TSC2: variants seen among roughly 807,000 people sequenced by gnomAD.
TSC2 encodes the protein tuberin.
Under a neutral mutation model 202.2 loss-of-function variants are expected in TSC2, and 29 were observed. That is an observed-to-expected ratio of 0.14 (90% confidence interval 0.11 to 0.20). TSC2 has a LOEUF of 0.20. Ranked by LOEUF, TSC2 falls within the 10% of genes least tolerant of loss-of-function variation. TSC2 has a pLI of 1.00. For synonymous variants in TSC2, 1,349 were observed against 1,044.0 expected, an observed-to-expected ratio of 1.29 and a Z score of -5.63; for missense variants, 2,429 against 2,420.0, an observed-to-expected ratio of 1.00 and a Z score of -0.08.
At chr16:2,053,930 TCA>T (rs2085444322) in intron 4 of TSC2, 1 of 439,776 alleles carries the variant, frequency 2.3e-6, no homozygotes, top group Non-Finnish European at 4.4e-6. Flanking sequence ...CCGTCCACTC[TCA>T]CAGGCTCTCC....
chr16:2,050,780 G>C (rs1235349431), intron 3 of TSC2, among the ~76,000 whole-genome samples: 9 of 151,726 alleles, frequency 5.9e-5, no homozygotes, highest in Admixed American at 2.6e-4. Flanking sequence ...GTAGAGACGG[G>C]GTTTCGCCAT....
In TSC2 at chr16:2,088,567, A is replaced by G. The variant is rs756064266; in HGVS notation, c.5381A>G (p.Lys1794Arg). ...PTPGYEVGQRKRLISSVEDFT... is the reference protein window; with the variant it reads ...PTPGYEVGQRRRLISSVEDFT... ...CCTGGCTATGAGGTGGGCCAGCGGA[A>G]GCGCCTCATCTCCTCGGTGGAGGAC... The change falls in exon 42 of 42, where the codon AAG (lysine) becomes AGG (arginine). Residue 1794 changes from lysine to arginine, a missense_variant. Coordinates refer to ENST00000219476, the MANE Select transcript of TSC2 (RefSeq NM_000548.5). The G allele has an allele frequency of 6.2e-7, 1 of 1,610,306 alleles. No homozygotes were observed. Among genetic ancestry groups the G allele is most frequent in the Non-Finnish European group, 8.5e-7 (1 of 1,179,908 alleles).
chr16:2,070,099 A>T (rs900111956), intron 16 of TSC2, among the ~76,000 whole-genome samples: 3 of 151,956 alleles, frequency 2.0e-5, no homozygotes, highest in Admixed American at 2.0e-4. Flanking sequence ...ACCTTGCCAC[A>T]CGTGTCTGGG....
intron 38 of TSC2, 183 bp downstream of exon 38, chr16:2,087,054 A>AGCCTGTGGCGCCTGCT: frequency 1.1e-6 from 1 of 899,032 alleles, no homozygotes; most frequent in Non-Finnish European, 1.7e-6. Flanking sequence ...TGTGCCCTGA[A>AGCCTGTGGCGCCTGCT]GCCTGTGGCG....
intron 16 of TSC2, 102 bp downstream of exon 16, chr16:2,065,737 A>G: frequency 9.4e-7 from 1 of 1,062,132 alleles, no homozygotes; most frequent in South Asian, 1.3e-5. Flanking sequence ...CGGGACCCAC[A>G]CCCTCCCTGG....
At chr16:2,049,882 A>G (rs1248405354) in intron 2 of TSC2, among the ~76,000 whole-genome samples, 1 of 151,540 alleles carries the variant, frequency 6.6e-6, no homozygotes, top group Admixed American at 6.6e-5. Context: ...TCAATACAAC[A>G]TTTGCAGTTG....
At position 2,077,820 on chromosome 16, in the gene TSC2, C is replaced by T. The variant is rs545343221; in HGVS notation, c.2966+94C>T. On this transcript the variant is annotated intron_variant, in intron 26 of 41. Coordinates refer to ENST00000219476, the MANE Select transcript of TSC2 (RefSeq NM_000548.5). ...CATGGGGCTGCTTGCATGACCTCAT[C>T]GTCTGCCCGTGTCCTCCCTGGCCAG... 8.8e-4 allele frequency: 1,400 copies of T among 1,584,098 alleles called. 3 individuals carry two copies. The highest frequency in any genetic ancestry group is 1.5e-3 in the Admixed American group (90 of 59,580).
chr16:2,069,087 TC>T (rs1269714217), intron 16 of TSC2, among the ~76,000 whole-genome samples: 1 of 152,018 alleles, frequency 6.6e-6, no homozygotes, highest in Non-Finnish European at 1.5e-5. Flanking sequence ...CTCGTGCTGT[TC>T]GAGGGTCAGA....
Position 2,079,689 on chromosome 16 carries a change from A to G in TSC2, c.3397+20A>G, listed in dbSNP as rs376079104. ...TGTCGGGTGAGCCTTGGCCCCAGCC[A>G]CCTCCACACAGGCACCGGGGCTCCC... On this transcript the variant is annotated intron_variant, in intron 29 of 41. Transcript: ENST00000219476. This position sits in a 1 kb window ranked among gnomAD's most constrained non-coding sequence, Gnocchi z 4.6. The G allele has an allele frequency of 5.8e-6, 9 of 1,561,320 alleles. No homozygotes were observed. Among genetic ancestry groups the G allele is most frequent in the African/African-American group, 1.4e-5 (1 of 73,568 alleles).
chr16:2,080,108 G>T, intron 29 of TSC2, 57 bp from the exon 30 acceptor site: 1 of 1,605,852 alleles, frequency 6.2e-7, no homozygotes, highest in Non-Finnish European at 8.5e-7. Flanking sequence ...TCAGCTTGAG[G>T]CTGGTGGTTT....
intron 3 of TSC2, among the ~76,000 whole-genome samples, chr16:2,052,302 A>G (rs1281827832): frequency 6.7e-6 from 1 of 150,314 alleles, no homozygotes; most frequent in Non-Finnish European, 1.5e-5. Context: ...CTAAAAGAAC[A>G]CGGCCATTTT....
In TSC2 at chr16:2,086,252, C is replaced by T. The variant is rs565576095; in HGVS notation, c.4722C>T (p.Phe1574=). Residue 1574 remains phenylalanine (F), a synonymous_variant, in exon 37 of 42, where the codon TTC becomes TTT. Coordinates refer to ENST00000219476, the MANE Select transcript of TSC2 (RefSeq NM_000548.5). ...ATGGCTCCTACAGGTACACGGAGTT[C>T]CTGACGGGCCTGGGCCGGCTCATCG... ...NEHGSYRYTE[F]LTGLGRLIEL... 25 of 1,612,738 alleles carry T rather than the reference C, an allele frequency of 1.6e-5. 1 individual carries two copies. In the South Asian group the frequency reaches 2.7e-4, roughly 18 times the overall value.
chr16:2,067,851 G>T (rs942534459), intron 16 of TSC2, among the ~76,000 whole-genome samples: 2 of 152,182 alleles, frequency 1.3e-5, no homozygotes, highest in Non-Finnish European at 2.9e-5. Flanking sequence ...CTGACTGGTT[G>T]GGAAGGGGTG....
chr16:2,087,437 G>A (rs541730451), intron 38 of TSC2, among the ~76,000 whole-genome samples: 18 of 151,816 alleles, frequency 1.2e-4, no homozygotes, highest in Admixed American at 9.8e-4. Context: ...GTCCAGGAGG[G>A]GCAGGAGCAT....
Position 2,063,104 on chromosome 16 carries a change from G to A in TSC2, c.1443+51G>A, listed in dbSNP as rs1412001923. On this transcript the variant is annotated intron_variant, in intron 14 of 41. Transcript: ENST00000219476. Reference sequence around the variant, plus strand: ...GGGGCTCAGGGCTATTTCTCCGTGGGCGGGCTGTCTCTGTTGTGCACGTGC... The same window carrying A: ...GGGGCTCAGGGCTATTTCTCCGTGGACGGGCTGTCTCTGTTGTGCACGTGC... 8.4e-6 allele frequency: 13 copies of A among 1,545,256 alleles called. No homozygotes were observed. The Admixed American group carries it at 1.2e-4, about 14-fold the overall frequency.
chr16:2,064,037 C>T (rs1302392310), intron 14 of TSC2: 5 of 614,868 alleles, frequency 8.1e-6, no homozygotes, highest in South Asian at 3.6e-5. Flanking sequence ...TGTCTGTGCC[C>T]GGCCGCCCTG....
chr16:2,056,181 C>T lies in TSC2; in HGVS notation c.600-15C>T, dbSNP rs369708731. 3.1e-5 allele frequency: 50 copies of T among 1,613,620 alleles called. 2 individuals are homozygous for T. The highest frequency in any genetic ancestry group is 3.0e-4 in the South Asian group (27 of 91,086). Reference sequence around the variant, plus strand: ...CAGGCAGTGCTGCCGGGACTGAGCTCGGTGCTCCCTGCAGGATGATCTGTC... The same window carrying T: ...CAGGCAGTGCTGCCGGGACTGAGCTTGGTGCTCCCTGCAGGATGATCTGTC... On this transcript the variant is annotated splice_polypyrimidine_tract_variant and intron_variant, in intron 6 of 41. Coordinates refer to ENST00000219476, the MANE Select transcript of TSC2 (RefSeq NM_000548.5).
At position 2,083,679 on chromosome 16, in the gene TSC2, G is replaced by C. The variant is rs544004178; in HGVS notation, c.3884-16G>C. On this transcript the variant is annotated splice_polypyrimidine_tract_variant and intron_variant, in intron 32 of 41. Coordinates refer to ENST00000219476, the MANE Select transcript of TSC2 (RefSeq NM_000548.5). ...GCCCAGCCCCACATCCAGCAGCCCCGTCTGTGTCCTCCCAGACTCCGCCGT... is the reference window on the plus strand; with the variant it reads ...GCCCAGCCCCACATCCAGCAGCCCCCTCTGTGTCCTCCCAGACTCCGCCGT... 1 of 1,571,044 alleles carries C rather than the reference G, an allele frequency of 6.4e-7. No homozygotes were observed. The highest frequency in any genetic ancestry group is 1.3e-5 in the African/African-American group (1 of 74,434).
In TSC2 at chr16:2,088,550, T is replaced by C. The variant is rs367703283; in HGVS notation, c.5364T>C (p.Tyr1788=). 2.2e-5 allele frequency: 36 copies of C among 1,611,718 alleles called. No homozygotes were observed. In the African/African-American group the frequency reaches 4.5e-4, roughly 20 times the overall value. ...CTCCAGCCGAGCCCACACCTGGCTA[T>C]GAGGTGGGCCAGCGGAAGCGCCTCA... ...AQTPAEPTPG[Y]EVGQRKRLIS... Residue 1788 remains tyrosine (Y), a synonymous_variant, in exon 42 of 42, where the codon TAT becomes TAC. Transcript: ENST00000219476.
Sources: allele counts gnomAD v4.1 joint callset (sites outside exome capture counted in the v4.1 genomes callset), GRCh38; gene constraint gnomAD v4.1.1; non-coding constraint Gnocchi (gnomAD v3.1); transcripts MANE v1.5; gene names NCBI Gene and HGNC (gene_info 2026-07-23, HGNC 2026-07-21).